RANGAP1: variants seen among roughly 807,000 people sequenced by gnomAD.
RANGAP1 encodes Ran GTPase activating protein 1.
In RANGAP1, 38 loss-of-function variants were observed where a neutral mutation model predicts 63.5. The observed-to-expected ratio is 0.60, with a 90% CI of 0.46 to 0.78. The LOEUF is 0.78. Ranked by LOEUF, RANGAP1 falls within the 30% of genes least tolerant of loss-of-function variation. The pLI is 0.00. For missense variants in RANGAP1, 630 were observed against 740.3 expected (o/e 0.85, Z 1.73); for synonymous variants, 329 against 310.5 (o/e 1.06, Z -0.63).
At chr22:41,256,879 C>T in intron 7 of RANGAP1, 55 bp from the exon 8 acceptor site, 2 of 1,473,648 alleles carry the variant, frequency 1.4e-6, no homozygotes, top group Non-Finnish European at 1.9e-6. Flanking sequence ...CCCCAGCCCT[C>T]AGCAAGCCCC....
chr22:41,256,898 C>A, intron 7 of RANGAP1, 74 bp from the exon 8 acceptor site: 1 of 1,108,010 alleles, frequency 9.0e-7, no homozygotes, highest in East Asian at 2.5e-5. Flanking sequence ...CCGGGGGCCC[C>A]ACACGGTCAC....
chr22:41,267,737 G>A (rs951434906), intron 4 of RANGAP1, among the ~76,000 whole-genome samples: 2 of 152,198 alleles, frequency 1.3e-5, no homozygotes, highest in Non-Finnish European at 2.9e-5. Flanking sequence ...AGTCATGAAG[G>A]AGCAGGACTG....
chr22:41,249,360 AG>A lies in RANGAP1; in HGVS notation c.1663del (p.Ala556HisfsTer8). The A allele has an allele frequency of 6.2e-7, 1 of 1,611,720 alleles. No homozygotes were observed. Among genetic ancestry groups the A allele is most frequent in the Non-Finnish European group, 8.5e-7 (1 of 1,178,658 alleles). On this transcript the variant is annotated frameshift_variant, in exon 15 of 16. Coordinates refer to ENST00000356244, the MANE Select transcript of RANGAP1 (RefSeq NM_002883.4). LOFTEE classifies it high-confidence loss of function. ...CACGAACGCCAGCAGCAGGGGTGCA[AG>A]GGCCTTGGGGAAATAGTCCTGCTGC... is the stretch of plus-strand genomic sequence containing the variant. The part of the protein sequence containing the change: ...MVQQDYFPKA[L>X]APLLLAFVTK...
At chr22:41,255,700 G>A (rs139508) in intron 10 of RANGAP1, among the ~76,000 whole-genome samples, 110,139 of 151,782 alleles carry the variant, frequency 0.73, 40,911 homozygotes, top group Middle Eastern at 0.81. Context: ...CGAGACAGAA[G>A]CCCTGACTGT....
chr22:41,301,596 A>T, the RANGAP1 span: 2 of 152,240 alleles, frequency 1.3e-5, no homozygotes, highest in African/African-American at 4.8e-5. Flanking sequence ...AAAGCGCTCC[A>T]GAGCCACATG....
At chr22:41,259,352 G>A (rs1349061574) in intron 6 of RANGAP1, among the ~76,000 whole-genome samples, 1 of 152,110 alleles carries the variant, frequency 6.6e-6, no homozygotes, top group Non-Finnish European at 1.5e-5. Context: ...TCCAGGTCAG[G>A]CCTTCTTAGT....
intron 11 of RANGAP1, among the ~76,000 whole-genome samples, chr22:41,253,969 G>A (rs774403500): frequency 3.9e-5 from 6 of 152,108 alleles, no homozygotes; most frequent in East Asian, 1.9e-4. Flanking sequence ...TTAGCCAGGC[G>A]TGGTGGCAAG....
chr22:41,280,639 T>C, intron 2 of RANGAP1: 1 of 1,309,920 alleles, frequency 7.6e-7, no homozygotes, highest in Non-Finnish European at 1.0e-6. Flanking sequence ...AGTCAGAGGC[T>C]GTATCTTGGG....
intron 5 of RANGAP1, among the ~76,000 whole-genome samples, chr22:41,264,406 C>G (rs139519): frequency 0.39 from 59,225 of 152,196 alleles, 12,251 homozygotes; most frequent in Non-Finnish European, 0.45. Context: ...TTTTGCAGAG[C>G]CAGCAGGCTG....
chr22:41,250,259 G>A (rs2033348793), intron 13 of RANGAP1, among the ~76,000 whole-genome samples: 1 of 152,234 alleles, frequency 6.6e-6, no homozygotes, highest in Non-Finnish European at 1.5e-5. Context: ...GGGCCCTCAG[G>A]GAGCAGGCTT....
At chr22:41,284,553 G>C (rs1601731412) in intron 1 of RANGAP1, among the ~76,000 whole-genome samples, 1 of 150,892 alleles carries the variant, frequency 6.6e-6, no homozygotes, top group East Asian at 2.0e-4. Context: ...GGCAACAAGA[G>C]TGAAACTCCG....
intron 3 of RANGAP1, among the ~76,000 whole-genome samples, chr22:41,270,566 A>G (rs2034746956): frequency 6.6e-6 from 1 of 151,582 alleles, no homozygotes; most frequent in Admixed American, 6.6e-5. Context: ...TCCCACCTCA[A>G]CCTCCCAAGT....
the RANGAP1 span, among the ~76,000 whole-genome samples, chr22:41,293,990 A>G: frequency 4.0e-5 from 6 of 151,812 alleles, no homozygotes; most frequent in South Asian, 4.2e-4. Context: ...AAAAACAAAC[A>G]AACAGCCCAT....
chr22:41,256,652 C>T, intron 8 of RANGAP1, 59 bp downstream of exon 8: 2 of 1,494,800 alleles, frequency 1.3e-6, no homozygotes, highest in South Asian at 1.2e-5. Context: ...CCCTGTGCCC[C>T]CAGCCGCCCC....
intron 3 of RANGAP1, among the ~76,000 whole-genome samples, chr22:41,273,267 C>G (rs1484606268): frequency 6.6e-6 from 1 of 152,168 alleles, no homozygotes; most frequent in African/African-American, 2.4e-5. Context: ...GAACTCTGGT[C>G]TCTCTCCCTC....
chr22:41,274,556 G>A, intron 3 of RANGAP1, 44 bp downstream of exon 3: 1 of 1,609,694 alleles, frequency 6.2e-7, no homozygotes, highest in Non-Finnish European at 8.5e-7. Context: ...GTGAACAGAA[G>A]CTTGTTCAAA....
intron 4 of RANGAP1, among the ~76,000 whole-genome samples, chr22:41,266,686 C>T (rs2034495112): frequency 6.6e-6 from 1 of 152,164 alleles, no homozygotes; most frequent in Admixed American, 6.5e-5. Flanking sequence ...AGGCCCCTGC[C>T]ATCACGCCCA....
At chr22:41,266,072 G>C (rs1210471754) in intron 4 of RANGAP1, among the ~76,000 whole-genome samples, 1 of 152,102 alleles carries the variant, frequency 6.6e-6, no homozygotes, top group African/African-American at 2.4e-5. Flanking sequence ...CATGGTGGCG[G>C]GCGCCTGTAG....
Position 41,256,091 on chromosome 22 carries a change from C to T in RANGAP1, c.1003G>A (p.Glu335Lys), listed in dbSNP as rs777969995. 3.7e-6 allele frequency: 6 copies of T among 1,614,156 alleles called. No homozygotes were observed. Among genetic ancestry groups the T allele is most frequent in the East Asian group, 2.2e-5 (1 of 44,886 alleles). The change falls in exon 10 of 16, where the codon GAA becomes AAA. Residue 335 changes from glutamate (E) to lysine (K), a missense_variant. Glu to Lys is a moderately conservative substitution (Grantham distance 56, BLOSUM62 1). Coordinates refer to ENST00000356244, the MANE Select transcript of RANGAP1 (RefSeq NM_002883.4). ...KLDLNGNTLGEEGCEQLQEVL... is the reference protein window; with the variant it reads ...KLDLNGNTLGKEGCEQLQEVL... ...TCCTGAAGCTGTTCACAGCCTTCTT[C>T]TCCCAGGGTGTTGCCTGCTCAAGGG...
Sources: allele counts gnomAD v4.1 joint callset (sites outside exome capture counted in the v4.1 genomes callset), GRCh38; gene constraint gnomAD v4.1.1; transcripts MANE v1.5; gene names NCBI Gene and HGNC (gene_info 2026-07-23, HGNC 2026-07-21).